Variants in MMP26 observed in about 807,000 individuals in gnomAD.
MMP26 encodes the protein matrix metalloproteinase-26.
A neutral mutation model predicts 31.0 loss-of-function variants in MMP26; 33 were observed. The observed-to-expected ratio is 1.06, with a 90% CI of 0.81 to 1.42. The LOEUF is 1.42. Ranked by LOEUF, MMP26 falls within the 40% of genes most tolerant of loss-of-function variation. MMP26 has a pLI of 0.00. For missense variants in MMP26, 347 were observed against 316.1 expected, an observed-to-expected ratio of 1.10 and a Z score of -0.74; for synonymous variants, 122 against 114.9, an observed-to-expected ratio of 1.06 and a Z score of -0.40.
At chr11:4,813,018 T>C (rs571768786) in intron 2 of MMP26, among the ~76,000 whole-genome samples, 10 of 149,968 alleles carry the variant, frequency 6.7e-5, no homozygotes, top group Admixed American at 6.7e-5. Flanking sequence ...TGTGTATGTA[T>C]ATATATATAT....
chr11:4,721,156 A>C (rs1464430814), intron 1 of MMP26, among the ~76,000 whole-genome samples: 1 of 152,148 alleles, frequency 6.6e-6, no homozygotes, highest in Non-Finnish European at 1.5e-5. Context: ...AGTCTATAGA[A>C]TGGTGGATTT....
chr11:4,848,856 A>G, intron 2 of MMP26: 3 of 1,614,242 alleles, frequency 1.9e-6, no homozygotes, highest in African/African-American at 1.3e-5. Flanking sequence ...AGAGGACTCC[A>G]TGACAGAAAA....
chr11:4,866,138 G>A (rs1850230778), intron 2 of MMP26, among the ~76,000 whole-genome samples: 3 of 151,894 alleles, frequency 2.0e-5, no homozygotes, highest in Admixed American at 2.0e-4. Context: ...TTCCTAGGAA[G>A]CCAGGCTAAA....
At chr11:4,888,461 A>G (rs1386854072) in intron 2 of MMP26, among the ~76,000 whole-genome samples, 2 of 152,148 alleles carry the variant, frequency 1.3e-5, no homozygotes, top group East Asian at 3.9e-4. Flanking sequence ...AAAATATCAA[A>G]TGCCTAAACA....
chr11:4,977,451 G>A (rs1211444542), intron 2 of MMP26, among the ~76,000 whole-genome samples: 2 of 152,088 alleles, frequency 1.3e-5, no homozygotes, highest in Non-Finnish European at 2.9e-5. Context: ...CTTTAAATGG[G>A]AGGGGTCATG....
At chr11:4,725,558 G>C (rs900752462) in intron 1 of MMP26, among the ~76,000 whole-genome samples, 1 of 152,164 alleles carries the variant, frequency 6.6e-6, no homozygotes, top group South Asian at 2.1e-4. Flanking sequence ...GTGATATAGA[G>C]GTAGTATGGA....
chr11:4,881,208 A>T (rs1433005777), intron 2 of MMP26, among the ~76,000 whole-genome samples: 2 of 152,084 alleles, frequency 1.3e-5, no homozygotes, highest in African/African-American at 4.8e-5. Context: ...TCTCCATTCC[A>T]CAGGAAAGAT....
At chr11:4,950,405 T>C (rs1050511585) in intron 2 of MMP26, among the ~76,000 whole-genome samples, 1 of 120,866 alleles carries the variant, frequency 8.3e-6, no homozygotes, top group African/African-American at 2.8e-5. Context: ...GAGAACATTA[T>C]GTTAAATAAA....
At chr11:4,765,619 C>T (rs1848618986) in intron 1 of MMP26, among the ~76,000 whole-genome samples, 1 of 152,178 alleles carries the variant, frequency 6.6e-6, no homozygotes, top group South Asian at 2.1e-4. Flanking sequence ...TTACCTACTG[C>T]AACCTGGCTT....
intron 1 of MMP26, among the ~76,000 whole-genome samples, chr11:4,750,143 AAAG>A (rs1404779183): frequency 6.6e-6 from 1 of 152,134 alleles, no homozygotes; most frequent in Non-Finnish European, 1.5e-5. Flanking sequence ...ACAGTTTTCT[AAAG>A]AAGACATACA....
intron 2 of MMP26, chr11:4,947,147 G>A: frequency 6.6e-6 from 7 of 1,055,310 alleles, no homozygotes; most frequent in South Asian, 3.6e-5. Flanking sequence ...TGCTTGTGTT[G>A]GTAAAATAGG....
chr11:4,882,048 T>C, intron 2 of MMP26: 5 of 1,613,868 alleles, frequency 3.1e-6, no homozygotes, highest in Non-Finnish European at 4.2e-6. Context: ...ATCTTTCTTG[T>C]CATCATTACT....
At chr11:4,812,376 G>T (rs12789996) in intron 2 of MMP26, among the ~76,000 whole-genome samples, 2 of 152,022 alleles carry the variant, frequency 1.3e-5, no homozygotes, top group South Asian at 4.1e-4. Context: ...GGCAAGTCTC[G>T]ATCCATTTAG....
chr11:4,783,143 G>C (rs751005403), intron 2 of MMP26, among the ~76,000 whole-genome samples: 1 of 152,212 alleles, frequency 6.6e-6, no homozygotes, highest in Non-Finnish European at 1.5e-5. Context: ...AGATCCACCA[G>C]TAGCTTGCAC....
chr11:4,819,565 G>GTTTTTTT (rs1491575423), intron 2 of MMP26, among the ~76,000 whole-genome samples: 1 of 83,726 alleles, frequency 1.2e-5, no homozygotes, highest in Non-Finnish European at 2.2e-5. Context: ...TGAGTCGACT[G>GTTTTTTT]ATTTTTTTTT....
chr11:4,861,572 C>T (rs1277154107), intron 2 of MMP26, among the ~76,000 whole-genome samples: 1 of 151,810 alleles, frequency 6.6e-6, no homozygotes, highest in Admixed American at 6.6e-5. Context: ...GCAAATGACA[C>T]ATTATTGGAT....
At chr11:4,712,074 C>G (rs937405546) in intron 1 of MMP26, 1 of 152,140 alleles carries the variant, frequency 6.6e-6, no homozygotes, top group African/African-American at 2.4e-5. Flanking sequence ...ATGTATCTCG[C>G]ACAGATACAA....
chr11:4,857,030 C>T (rs1288301871), intron 2 of MMP26, among the ~76,000 whole-genome samples: 1 of 152,044 alleles, frequency 6.6e-6, no homozygotes, highest in African/African-American at 2.4e-5. Context: ...CCAGTGAGAA[C>T]AAAGACACAA....
At chr11:4,907,512 T>G (rs1399862705) in intron 2 of MMP26, 1 of 1,613,980 alleles carries the variant, frequency 6.2e-7, no homozygotes, top group Non-Finnish European at 8.5e-7. Context: ...ATTCTCTTTA[T>G]TATAAAGACA....
Sources: gnomAD v4.1 joint callset for allele counts (sites outside exome capture counted in the v4.1 genomes callset) on GRCh38, gnomAD v4.1.1 for gene constraint, MANE v1.5 for transcripts, NCBI Gene and HGNC (gene_info 2026-07-23, HGNC 2026-07-21) for gene names.